Variants in RBM47 observed in about 807,000 individuals in gnomAD.
RBM47 encodes RNA binding motif protein 47.
In RBM47, 21 loss-of-function variants were observed where a neutral mutation model predicts 47.1. The observed-to-expected ratio is 0.45, with a 90% CI of 0.32 to 0.64. The LOEUF (loss-of-function observed/expected upper bound fraction) is 0.64, where lower values mean the gene tolerates loss of function less well. Among genes scored for constraint, RBM47 ranks in the 30% least tolerant of loss-of-function variants. The pLI is 0.05. For missense variants in RBM47, 708 were observed against 870.9 expected, an observed-to-expected ratio of 0.81 and a Z score of 2.35; for synonymous variants, 375 against 361.7, an observed-to-expected ratio of 1.04 and a Z score of -0.42.
rs748353610 is a variant in RBM47, at chr4:40,438,241, C to T, written c.653G>A (p.Arg218His). Residue 218 changes from arginine (R) to histidine (H), a missense_variant, in exon 4 of 7, where the codon CGC becomes CAC. Arg to His is a conservative substitution (Grantham distance 29). Coordinates refer to ENST00000295971, the MANE Select transcript of RBM47 (RefSeq NM_001098634.2). The stretch of plus-strand genomic sequence containing the variant: ...GATCTGGTGGCCCCACAGCTGGATG[C>T]GGCCAGGCATGAGCTTGCGGCGAGC... ...AMARRKLMPGRIQLWGHQIAV... is the reference protein window; with the variant it reads ...AMARRKLMPGHIQLWGHQIAV... The T allele has an allele frequency of 6.2e-7, 1 of 1,604,722 alleles. No individual in the cohort carries two copies.
At chr4:40,591,911 T>C (rs563752667) in intron 1 of RBM47, among the ~76,000 whole-genome samples, 1 of 152,106 alleles carries the variant, frequency 6.6e-6, no homozygotes. Flanking sequence ...TGGTGGGAGG[T>C]AAATTTATGT....
intron 2 of RBM47, among the ~76,000 whole-genome samples, chr4:40,512,486 C>T (rs1487398305): frequency 1.4e-4 from 20 of 147,386 alleles, no homozygotes; most frequent in Non-Finnish European, 1.8e-4. Flanking sequence ...GAGGCCGAGG[C>T]GAGTGGATCA....
intron 2 of RBM47, among the ~76,000 whole-genome samples, chr4:40,498,847 T>C (rs935178230): frequency 2.6e-4 from 40 of 152,058 alleles, no homozygotes; most frequent in African/African-American, 9.2e-4. Flanking sequence ...CTGGAGGTGT[T>C]ACAGCCTGAC....
At chr4:40,451,011 C>T (rs914455164) in intron 3 of RBM47, among the ~76,000 whole-genome samples, 1 of 152,100 alleles carries the variant, frequency 6.6e-6, no homozygotes, top group South Asian at 2.1e-4. Flanking sequence ...TTCTACAGCC[C>T]TCCCTCAACA....
intron 1 of RBM47, among the ~76,000 whole-genome samples, chr4:40,556,163 G>A (rs1314819305): frequency 6.6e-6 from 1 of 151,528 alleles, no homozygotes; most frequent in Non-Finnish European, 1.5e-5. Flanking sequence ...AGCCTCCTGA[G>A]TAGCTGGGAT....
chr4:40,512,851 A>G (rs1314248983), intron 2 of RBM47, among the ~76,000 whole-genome samples: 4 of 152,128 alleles, frequency 2.6e-5, no homozygotes, highest in Non-Finnish European at 5.9e-5. Context: ...CTCTTTCCCT[A>G]CTTGATAGAC....
At chr4:40,476,977 G>A (rs1209937923) in intron 2 of RBM47, among the ~76,000 whole-genome samples, 1 of 152,204 alleles carries the variant, frequency 6.6e-6, no homozygotes, top group Non-Finnish European at 1.5e-5. Flanking sequence ...GCTCATGCCT[G>A]TCATCCCAGC....
At chr4:40,452,660 G>A (rs1472348309) in intron 3 of RBM47, among the ~76,000 whole-genome samples, 1 of 149,936 alleles carries the variant, frequency 6.7e-6, no homozygotes, top group Admixed American at 6.8e-5. Flanking sequence ...ATAAACATCC[G>A]CCTTTTCATA....
chr4:40,473,056 CA>C (rs1719141294), intron 2 of RBM47, among the ~76,000 whole-genome samples: 1 of 152,082 alleles, frequency 6.6e-6, no homozygotes, highest in Non-Finnish European at 1.5e-5. Flanking sequence ...AAGTCTAAAC[CA>C]AATTGAGATG....
chr4:40,488,833 TG>T (rs1413059298), intron 2 of RBM47, among the ~76,000 whole-genome samples: 1 of 152,230 alleles, frequency 6.6e-6, no homozygotes, highest in African/African-American at 2.4e-5. Flanking sequence ...CCACCAGTTC[TG>T]GGTGCTTCAC....
At chr4:40,474,629 C>T (rs984339654) in intron 2 of RBM47, among the ~76,000 whole-genome samples, 1 of 152,160 alleles carries the variant, frequency 6.6e-6, no homozygotes, top group Admixed American at 6.6e-5. Flanking sequence ...TATTTAAATA[C>T]ATTTTTAATC....
At chr4:40,507,428 A>G (rs959695680) in intron 2 of RBM47, among the ~76,000 whole-genome samples, 4 of 152,240 alleles carry the variant, frequency 2.6e-5, no homozygotes, top group African/African-American at 4.8e-5. Flanking sequence ...GCTAAATGAA[A>G]GTTTTTGAAT....
intron 1 of RBM47, among the ~76,000 whole-genome samples, chr4:40,554,909 G>A (rs1322116783): frequency 2.0e-5 from 3 of 151,484 alleles, no homozygotes; most frequent in East Asian, 1.9e-4. Flanking sequence ...CTGCAGGCAC[G>A]CACCACAACA....
intron 1 of RBM47, among the ~76,000 whole-genome samples, chr4:40,623,973 T>TC (rs1352763399): frequency 6.6e-6 from 1 of 152,118 alleles, no homozygotes. Flanking sequence ...CACCTCAGCC[T>TC]CCCTGGTAGC....
At chr4:40,519,692 G>A (rs12505982) in intron 2 of RBM47, among the ~76,000 whole-genome samples, 13,370 of 109,790 alleles carry the variant, frequency 0.12, 898 homozygotes, top group East Asian at 0.19. Flanking sequence ...TTTTTGAGAC[G>A]GAGTCTCGCT....
intron 1 of RBM47, among the ~76,000 whole-genome samples, chr4:40,545,532 T>C (rs1261566589): frequency 1.3e-5 from 2 of 149,438 alleles, no homozygotes; most frequent in Non-Finnish European, 3.0e-5. Flanking sequence ...GGCGTGGTGG[T>C]GGGCACCTGT....
intron 2 of RBM47, among the ~76,000 whole-genome samples, chr4:40,481,450 A>ATTATTG (rs1488832353): frequency 2.3e-5 from 2 of 85,412 alleles, no homozygotes; most frequent in Non-Finnish European, 4.1e-5. Context: ...TTTTTGTATT[A>ATTATTG]TTATTATTAT....
intron 3 of RBM47, among the ~76,000 whole-genome samples, chr4:40,440,155 T>G (rs1713405415): frequency 6.6e-6 from 1 of 152,164 alleles, no homozygotes; most frequent in African/African-American, 2.4e-5. Flanking sequence ...TGAAATCTAT[T>G]TCATTTTTTG....
intron 1 of RBM47, among the ~76,000 whole-genome samples, chr4:40,573,707 G>T (rs568655000): frequency 6.7e-6 from 1 of 149,616 alleles, no homozygotes; most frequent in African/African-American, 2.5e-5. Context: ...TCCAGCCTGG[G>T]GAAGAGACAG....
Sources: allele counts gnomAD v4.1 joint callset (sites outside exome capture counted in the v4.1 genomes callset), GRCh38; gene constraint gnomAD v4.1.1; transcripts MANE v1.5; gene names NCBI Gene and HGNC (gene_info 2026-07-23, HGNC 2026-07-21).